Variants in EFR3A observed in about 807,000 individuals in gnomAD.
EFR3A encodes the protein EFR3 homolog A.
EFR3A carries 76 observed loss-of-function variants against 104.4 expected under a neutral mutation model. The observed-to-expected ratio is 0.73, with a 90% CI of 0.60 to 0.88. The LOEUF (loss-of-function observed/expected upper bound fraction) is 0.88. EFR3A is among the 40% of genes least tolerant of loss of function. EFR3A has a pLI of 0.00. For missense variants in EFR3A, 985 were observed against 1,012.5 expected (o/e 0.97, Z 0.37); for synonymous variants, 330 against 330.0 (o/e 1.00, Z 0.00).
At chr8:131,996,998 T>A (rs80247573) in intron 19 of EFR3A, among the ~76,000 whole-genome samples, 3,109 of 152,166 alleles carry the variant, frequency 0.02, 46 homozygotes, top group South Asian at 0.042. Flanking sequence ...AAGGATGTTG[T>A]TTAAGCTGTG....
At chr8:131,954,840 T>C (rs1278101747) in intron 6 of EFR3A, among the ~76,000 whole-genome samples, 1 of 151,976 alleles carries the variant, frequency 6.6e-6, no homozygotes, top group Non-Finnish European at 1.5e-5. Context: ...ATATGTGTAA[T>C]AGCAGCATAA....
chr8:131,996,705 T>C (rs1000912849), intron 19 of EFR3A, among the ~76,000 whole-genome samples: 1 of 152,116 alleles, frequency 6.6e-6, no homozygotes, highest in African/African-American at 2.4e-5. Context: ...TGTAAAGATA[T>C]ATAAACCTAA....
At chr8:131,960,219 T>C (rs1475808624) in intron 8 of EFR3A, among the ~76,000 whole-genome samples, 1 of 152,202 alleles carries the variant, frequency 6.6e-6, no homozygotes, top group Non-Finnish European at 1.5e-5. Flanking sequence ...AAGTCTTACA[T>C]ATAGCTGATC....
intron 18 of EFR3A, among the ~76,000 whole-genome samples, chr8:131,990,372 A>G (rs1821111174): frequency 6.6e-6 from 1 of 152,194 alleles, no homozygotes; most frequent in Non-Finnish European, 1.5e-5. Context: ...CTGGCCAGGG[A>G]TATCTTCCAG....
At chr8:131,975,260 A>T (rs1171438868) in intron 10 of EFR3A, among the ~76,000 whole-genome samples, 1 of 152,166 alleles carries the variant, frequency 6.6e-6, no homozygotes, top group African/African-American at 2.4e-5. Context: ...TATTTGAGAA[A>T]TCCTGGAAAA....
intron 1 of EFR3A, among the ~76,000 whole-genome samples, chr8:131,924,019 ATCAGTAAGTCC>A (rs142533670): frequency 0.13 from 19,783 of 152,114 alleles, 1,701 homozygotes; most frequent in Non-Finnish European, 0.19. Flanking sequence ...TCAGGGACTT[ATCAGTAAGTCC>A]CTGATACTTA....
chr8:131,912,509 T>C (rs1816556280), intron 1 of EFR3A, among the ~76,000 whole-genome samples: 1 of 152,156 alleles, frequency 6.6e-6, no homozygotes, highest in Non-Finnish European at 1.5e-5. Flanking sequence ...GAAGTTTAGA[T>C]TGGTACAGCA....
intron 1 of EFR3A, 21 bp downstream of exon 1, chr8:131,904,343 CG>C: frequency 2.4e-6 from 3 of 1,247,924 alleles, no homozygotes; most frequent in South Asian, 3.3e-5. Context: ...GGCCGAGGGC[CG>C]GGGGCGTTGG....
intron 12 of EFR3A, among the ~76,000 whole-genome samples, chr8:131,977,718 A>G (rs1451121005): frequency 1.3e-5 from 2 of 152,244 alleles, no homozygotes; most frequent in South Asian, 2.1e-4. Context: ...TAATTTTTTA[A>G]ACAGACTCTC....
At chr8:131,988,585 T>G (rs1027660997) in intron 18 of EFR3A, among the ~76,000 whole-genome samples, 2 of 152,138 alleles carry the variant, frequency 1.3e-5, no homozygotes, top group Non-Finnish European at 2.9e-5. Context: ...CCTCAGGAAC[T>G]CCTTGAGGAA....
Position 131,984,973 on chromosome 8 carries a change from T to C in EFR3A, c.1782T>C (p.Arg594=). 6.2e-7 allele frequency: 1 copy of C among 1,613,550 alleles called. No homozygotes were observed. Among genetic ancestry groups the C allele is most frequent in the Non-Finnish European group, 8.5e-7 (1 of 1,179,588 alleles). ...AGGATAATTTGCCAATGTTCCATCG[T>C]TGTGGAATCATGGCACTGGTTGCAG... The part of the protein sequence containing the change: ...INEDNLPMFH[R]CGIMALVAAY... Residue 594 remains arginine, a synonymous_variant, in exon 16 of 23, where the codon CGT becomes CGC. Transcript: ENST00000254624.
At position 131,910,852 on chromosome 8, in the gene EFR3A, A is replaced by G. The variant is rs117019153; in HGVS notation, c.10+6530A>G. ...TGAATCTTCATCCTATAGTGGGAGT[A>G]GAGAGGTTTTTATTGGTACCATTTA... On this transcript the variant is annotated intron_variant, in intron 1 of 22. Transcript: ENST00000254624. Among the ~76,000 whole-genome samples the G allele has an allele frequency of 9.5e-4, 145 of 152,288 alleles. 3 individuals carry two copies. In the East Asian group the frequency reaches 0.027, roughly 28 times the overall value.
intron 10 of EFR3A, among the ~76,000 whole-genome samples, chr8:131,972,781 G>T (rs1820141712): frequency 6.6e-6 from 1 of 151,914 alleles, no homozygotes; most frequent in African/African-American, 2.4e-5. Context: ...CTGAAACTGG[G>T]CTTATGCCTT....
Position 131,925,748 on chromosome 8 carries a change from T to C in EFR3A, c.11-14751T>C, listed in dbSNP as rs117476895. 6.7e-3 allele frequency among the ~76,000 whole-genome samples: 1,023 copies of C among 152,258 alleles called. 3 individuals carry two copies. Among genetic ancestry groups the C allele is most frequent in the Middle Eastern group, 0.017 (5 of 292 alleles). ...CTATATTAAGTATAGTGAGTGCTTT[T>C]AGGTAAAGTTGCCTTAAATTGGGTT... On this transcript the variant is annotated intron_variant, in intron 1 of 22. Coordinates refer to ENST00000254624, the MANE Select transcript of EFR3A (RefSeq NM_015137.6).
At chr8:131,928,054 A>G (rs2130483007) in intron 1 of EFR3A, among the ~76,000 whole-genome samples, 1 of 152,252 alleles carries the variant, frequency 6.6e-6, no homozygotes, top group African/African-American at 2.4e-5. Context: ...AATTTTTTGA[A>G]TTTTAGTCTT....
At chr8:132,002,764 CCTTGGTG>C in intron 21 of EFR3A, 58 bp downstream of exon 21, 1 of 1,373,478 alleles carries the variant, frequency 7.3e-7, no homozygotes, top group East Asian at 2.3e-5. Context: ...GGAAACTCTT[CCTTGGTG>C]ATTAGTTGAT....
chr8:131,944,865 C>G lies in EFR3A; in HGVS notation c.208C>G (p.Arg70Gly). 6.2e-7 allele frequency: 1 copy of G among 1,608,016 alleles called. No homozygotes were observed. Among genetic ancestry groups the G allele is most frequent in the Non-Finnish European group, 8.5e-7 (1 of 1,177,624 alleles). The change falls in exon 3 of 23, where the codon CGT becomes GGT. Residue 70 changes from arginine to glycine, a missense_variant. Physicochemically the swap from Arg to Gly is moderately radical, Grantham distance 125. Coordinates refer to ENST00000254624, the MANE Select transcript of EFR3A (RefSeq NM_015137.6). ...GTTGAGCAGGGATGTTGTCAGACAT[C>G]GTTCTGGGTAAGGAAACTAATGGCT... ...ERLSRDVVRH[R>G]SGYVLIAMEA... is the part of the protein sequence containing the mutation.
chr8:132,001,489 T>C lies in EFR3A; in HGVS notation c.2158-270T>C, dbSNP rs1037364687. Among the ~76,000 whole-genome samples, 15 of 152,250 alleles carry C rather than the reference T, an allele frequency of 9.9e-5. No individual in the cohort carries two copies. The East Asian group carries it at 2.7e-3, about 27-fold the overall frequency. On this transcript the variant is annotated intron_variant, in intron 19 of 22. Transcript: ENST00000254624. ...GGGACTGAGTTCTGTAATTCAAGGGTGGTTTTGTTGCCTAGGGTATGTTAA... is the reference window on the plus strand; with the variant it reads ...GGGACTGAGTTCTGTAATTCAAGGGCGGTTTTGTTGCCTAGGGTATGTTAA...
At chr8:131,991,760 A>G (rs529191185) in intron 18 of EFR3A, among the ~76,000 whole-genome samples, 1 of 152,280 alleles carries the variant, frequency 6.6e-6, no homozygotes, top group East Asian at 1.9e-4. Context: ...CAAAGCCGAA[A>G]GTCTCAAGAA....
Sources: allele counts gnomAD v4.1 joint callset (sites outside exome capture counted in the v4.1 genomes callset), GRCh38; gene constraint gnomAD v4.1.1; transcripts MANE v1.5; gene names NCBI Gene and HGNC (gene_info 2026-07-23, HGNC 2026-07-21).